The following IQSEC1 variants were observed in gnomAD, a reference collection of about 807,000 sequenced individuals.
IQSEC1 encodes IQ motif and Sec7 domain ArfGEF 1.
Under a neutral mutation model 91.0 loss-of-function variants are expected in IQSEC1, and 31 were observed. The observed-to-expected ratio is 0.34, with a 90% CI of 0.26 to 0.46. The LOEUF (loss-of-function observed/expected upper bound fraction) is 0.46, where lower values mean the gene tolerates loss of function less well. Ranked by LOEUF, IQSEC1 falls within the 20% of genes least tolerant of loss-of-function variation. The pLI is 1.00. For synonymous variants in IQSEC1, 699 were observed against 662.6 expected, an observed-to-expected ratio of 1.05 and a Z score of -0.84; for missense variants, 1,388 against 1,575.6, an observed-to-expected ratio of 0.88 and a Z score of 2.02.
At position 13,067,953 on chromosome 3, in the gene IQSEC1, G is replaced by A. The variant is rs1350320905; in HGVS notation, c.23+5039C>T. Among the ~76,000 whole-genome samples, 4 of 152,248 alleles carry A rather than the reference G, an allele frequency of 2.6e-5. No individual in the cohort carries two copies. The South Asian group carries it at 6.2e-4, about 24-fold the overall frequency. On this transcript the variant is annotated intron_variant, in intron 1 of 13. Transcript: ENST00000613206. ...GGGGGGCTTCAACAAAGGGCCTCCA[G>A]GGAGGGACAAGGATGGCGTGACACT...
intron 2 of IQSEC1, among the ~76,000 whole-genome samples, chr3:13,094,280 G>A (rs1370635455): frequency 6.6e-6 from 1 of 152,134 alleles, no homozygotes; most frequent in Non-Finnish European, 1.5e-5. Context: ...GGCCTTGAAG[G>A]ATGAGAAAGT....
intron 1 of IQSEC1, among the ~76,000 whole-genome samples, chr3:13,188,275 G>A (rs1460545085): frequency 6.6e-6 from 1 of 152,006 alleles, no homozygotes; most frequent in Non-Finnish European, 1.5e-5. Flanking sequence ...TCCTGCTCAT[G>A]CCCACCTCAA....
intron 2 of IQSEC1, among the ~76,000 whole-genome samples, chr3:13,108,196 C>T (rs570028482): frequency 6.6e-6 from 1 of 152,288 alleles, no homozygotes; most frequent in South Asian, 2.1e-4. Context: ...ATTTCACAAA[C>T]ATTCTTTCCC....
intron 1 of IQSEC1, among the ~76,000 whole-genome samples, chr3:13,242,117 C>A (rs986857945): frequency 2.0e-5 from 3 of 152,188 alleles, no homozygotes; most frequent in Non-Finnish European, 4.4e-5. Flanking sequence ...AGAGACCGTG[C>A]CACCTTCACT....
intron 1 of IQSEC1, among the ~76,000 whole-genome samples, chr3:13,239,609 G>A (rs1465996998): frequency 6.6e-6 from 1 of 152,262 alleles, no homozygotes. Flanking sequence ...AACCTAGATG[G>A]TCCATGGGGG....
At chr3:13,084,650 C>T (rs879807691) in intron 2 of IQSEC1, among the ~76,000 whole-genome samples, 1 of 152,180 alleles carries the variant, frequency 6.6e-6, no homozygotes, top group Non-Finnish European at 1.5e-5. Context: ...GATGCCTAAG[C>T]CTAGAACTCT....
intron 1 of IQSEC1, among the ~76,000 whole-genome samples, chr3:13,199,887 C>CCACA: frequency 6.6e-6 from 1 of 150,928 alleles, no homozygotes; most frequent in South Asian, 2.1e-4. Flanking sequence ...CACACACACA[C>CCACA]CACACACACA....
rs563800231 is a variant in IQSEC1, at chr3:12,983,963, G to A, written c.24-42098C>T. The stretch of plus-strand genomic sequence containing the variant: ...GCAGAGAGGTAAGGGCCTTTCATAC[G>A]TGGGTTCTGGGGGATAGTAACATGG... On this transcript the variant is annotated intron_variant, in intron 1 of 13. Coordinates refer to ENST00000613206, the MANE Select transcript of IQSEC1 (RefSeq NM_001134382.3). The surrounding 1 kb of genome is among the most constrained non-coding windows in gnomAD (Gnocchi z 4.3). Among the ~76,000 whole-genome samples, 11 of 152,154 alleles carry A rather than the reference G, an allele frequency of 7.2e-5. No homozygotes were observed. The highest frequency in any genetic ancestry group is 1.3e-4 in the Non-Finnish European group (9 of 68,022).
At chr3:13,233,168 G>A (rs1055760154) in intron 1 of IQSEC1, among the ~76,000 whole-genome samples, 6 of 152,206 alleles carry the variant, frequency 3.9e-5, no homozygotes, top group Non-Finnish European at 5.9e-5. Context: ...AAAGTGTCAC[G>A]TGAGGTGCTC....
At chr3:12,911,547 G>A (rs538071576) in intron 10 of IQSEC1, 82 bp downstream of exon 10, 6 of 1,034,748 alleles carry the variant, frequency 5.8e-6, no homozygotes, top group Admixed American at 3.4e-5. Flanking sequence ...AGCCCCCCGC[G>A]GTTCTGTCCT....
chr3:13,180,507 T>C (rs2125016581), intron 1 of IQSEC1, among the ~76,000 whole-genome samples: 1 of 152,180 alleles, frequency 6.6e-6, no homozygotes, highest in South Asian at 2.1e-4. Flanking sequence ...ATCAACAGGA[T>C]GTGGGTGGGG....
chr3:13,128,820 T>G (rs1181417310), intron 2 of IQSEC1, among the ~76,000 whole-genome samples: 1 of 139,596 alleles, frequency 7.2e-6, no homozygotes, highest in Non-Finnish European at 1.5e-5. Context: ...GAGGTTGCAG[T>G]GAGCCGAGAT....
At chr3:13,094,159 G>A (rs1705916127) in intron 2 of IQSEC1, among the ~76,000 whole-genome samples, 2 of 152,318 alleles carry the variant, frequency 1.3e-5, no homozygotes, top group South Asian at 4.1e-4. Context: ...CTGATACACC[G>A]ATGGTAGCAG....
intron 1 of IQSEC1, among the ~76,000 whole-genome samples, chr3:13,059,660 A>G (rs1373526977): frequency 1.3e-5 from 2 of 152,158 alleles, no homozygotes; most frequent in Non-Finnish European, 2.9e-5. Flanking sequence ...CTGAGGTGGG[A>G]GGATCACCCG....
At chr3:13,209,742 A>C (rs1433006625) in intron 1 of IQSEC1, among the ~76,000 whole-genome samples, 1 of 152,140 alleles carries the variant, frequency 6.6e-6, no homozygotes, top group Non-Finnish European at 1.5e-5. Flanking sequence ...TCCTCCCGAG[A>C]GCCTGAGCGT....
Position 13,156,284 on chromosome 3 carries a change from T to C in IQSEC1, c.302+7820A>G, listed in dbSNP as rs151172262. 4.9e-3 allele frequency among the ~76,000 whole-genome samples: 747 copies of C among 151,574 alleles called. 9 individuals are homozygous for C. Among genetic ancestry groups the C allele is most frequent in the African/African-American group, 0.017 (716 of 41,364 alleles). On this transcript the variant is annotated intron_variant, in intron 2 of 15. Transcript: ENST00000648114. ...AATAAAATAAAAACACTAAACAAAA[T>C]AGGAATGGAAAGAAACTACCTCAAC...
chr3:13,245,289 G>C (rs533018993), intron 1 of IQSEC1, among the ~76,000 whole-genome samples: 1 of 152,152 alleles, frequency 6.6e-6, no homozygotes, highest in African/African-American at 2.4e-5. Context: ...CAGGCTCACC[G>C]ATGCAGTGTT....
At chr3:12,931,098 G>A (rs377624736) in intron 3 of IQSEC1, among the ~76,000 whole-genome samples, 1 of 152,148 alleles carries the variant, frequency 6.6e-6, no homozygotes, top group East Asian at 1.9e-4. Flanking sequence ...CAGAGAGAAG[G>A]CAGGAGAATC....
chr3:13,239,805 G>A (rs76919469), intron 1 of IQSEC1, among the ~76,000 whole-genome samples: 5,405 of 152,330 alleles, frequency 0.035, 318 homozygotes, highest in African/African-American at 0.12. Context: ...GCAGGACCAC[G>A]TTGCGAAGAG....
Sources: gnomAD v4.1 joint callset for allele counts (sites outside exome capture counted in the v4.1 genomes callset) on GRCh38, gnomAD v4.1.1 for gene constraint, Gnocchi (gnomAD v3.1) non-coding constraint, MANE v1.5 for transcripts, NCBI Gene and HGNC (gene_info 2026-07-23, HGNC 2026-07-21) for gene names.